RBM27: variants seen among roughly 807,000 people sequenced by gnomAD.
RBM27 encodes the protein RNA-binding protein 27.
A neutral mutation model predicts 135.3 loss-of-function variants in RBM27; 22 were observed. The ratio of observed to expected loss-of-function variants is 0.16; its 90% CI spans 0.12 to 0.23. RBM27 has a LOEUF of 0.23. RBM27 is among the 10% of genes least tolerant of loss of function. The probability of loss-of-function intolerance (pLI) is 1.00; values close to 1 mark genes in which losing one functional copy is unlikely to be tolerated. For missense variants in RBM27, 1,009 were observed against 1,281.0 expected, an observed-to-expected ratio of 0.79 and a Z score of 3.24; for synonymous variants, 481 against 442.4, an observed-to-expected ratio of 1.09 and a Z score of -1.10.
chr5:146,260,069 A>ACGGG (rs983224262), intron 11 of RBM27, among the ~76,000 whole-genome samples: 8 of 150,328 alleles, frequency 5.3e-5, no homozygotes, highest in African/African-American at 2.0e-4. Flanking sequence ...GGAGGCCGAG[A>ACGGG]CGGGTAGATC....
chr5:146,266,260 A>C (rs1315291979), intron 14 of RBM27, among the ~76,000 whole-genome samples: 2 of 152,214 alleles, frequency 1.3e-5, no homozygotes, highest in Non-Finnish European at 2.9e-5. Flanking sequence ...GTACCACAGA[A>C]TCCTATGGGG....
intron 19 of RBM27, among the ~76,000 whole-genome samples, chr5:146,277,187 A>G (rs1322633099): frequency 6.6e-6 from 1 of 152,228 alleles, no homozygotes; most frequent in Non-Finnish European, 1.5e-5. Context: ...TTCAAACAAT[A>G]CAAATTATAA....
At chr5:146,283,365 C>G (rs532001498) in intron 19 of RBM27, among the ~76,000 whole-genome samples, 1 of 151,948 alleles carries the variant, frequency 6.6e-6, no homozygotes, top group South Asian at 2.1e-4. Flanking sequence ...CATCGGGAGA[C>G]CCCGTCTATA....
intron 3 of RBM27, 112 bp from the exon 4 acceptor site, chr5:146,228,834 A>G (rs1756799420): frequency 1.4e-6 from 1 of 694,964 alleles, no homozygotes; most frequent in East Asian, 2.8e-5. Flanking sequence ...GCTGGTCTCA[A>G]TATCCTGGCC....
At chr5:146,248,706 T>C (rs771791258) in intron 8 of RBM27, among the ~76,000 whole-genome samples, 1 of 152,236 alleles carries the variant, frequency 6.6e-6, no homozygotes, top group Admixed American at 6.5e-5. Flanking sequence ...GCTCAAGGGA[T>C]CCACCCGCCT....
At chr5:146,221,791 A>G (rs944037431) in intron 2 of RBM27, among the ~76,000 whole-genome samples, 1 of 152,204 alleles carries the variant, frequency 6.6e-6, no homozygotes, top group African/African-American at 2.4e-5. Context: ...AGAGCTACAT[A>G]TGGCTAGTGG....
intron 19 of RBM27, among the ~76,000 whole-genome samples, chr5:146,273,541 A>C (rs4705179): frequency 0.22 from 32,727 of 152,002 alleles, 4,315 homozygotes; most frequent in Admixed American, 0.33. Context: ...CAGAAAGGGT[A>C]TTGAGTACTA....
chr5:146,237,251 A>G, intron 7 of RBM27, 47 bp from the exon 8 acceptor site: 1 of 1,608,774 alleles, frequency 6.2e-7, no homozygotes, highest in South Asian at 1.1e-5. Context: ...TACTTTTATT[A>G]GGAAATATTA....
chr5:146,273,929 A>G lies in RBM27; in HGVS notation c.2988+2255A>G, dbSNP rs578000588. Among the ~76,000 whole-genome samples the G allele has an allele frequency of 3.3e-5, 5 of 152,344 alleles. No homozygotes were observed. In the South Asian group the frequency reaches 1.0e-3, roughly 32 times the overall value. ...GCTATAAGTATGCTCATTATAGTGC[A>G]TGTAATAGTGAAAAATGATAACCAT... is the stretch of plus-strand genomic sequence containing the variant. On this transcript the variant is annotated intron_variant, in intron 19 of 20. Coordinates refer to ENST00000265271, the MANE Select transcript of RBM27 (RefSeq NM_018989.2).
chr5:146,250,757 T>G (rs60937428), intron 8 of RBM27, among the ~76,000 whole-genome samples: 1,899 of 144,852 alleles, frequency 0.013, 47 homozygotes, highest in African/African-American at 0.045. Flanking sequence ...TGTTTATCTG[T>G]TTTTTTTTTG....
intron 1 of RBM27, among the ~76,000 whole-genome samples, chr5:146,215,358 G>C (rs1424454111): frequency 6.6e-6 from 1 of 152,022 alleles, no homozygotes; most frequent in African/African-American, 2.4e-5. Flanking sequence ...CCGATATCTG[G>C]GTTTCTTAAA....
chr5:146,208,067 C>G (rs1221810967), intron 1 of RBM27, among the ~76,000 whole-genome samples: 1 of 150,580 alleles, frequency 6.6e-6, no homozygotes, highest in African/African-American at 2.4e-5. Flanking sequence ...AGCAATTCTC[C>G]TGCCTCAGCC....
intron 8 of RBM27, among the ~76,000 whole-genome samples, chr5:146,242,151 C>T (rs1757433595): frequency 6.6e-6 from 1 of 152,124 alleles, no homozygotes; most frequent in African/African-American, 2.4e-5. Context: ...GTCTTGCTGT[C>T]TTACCCAGGC....
At chr5:146,251,542 C>T (rs563451198) in intron 8 of RBM27, among the ~76,000 whole-genome samples, 169 bp from the exon 9 acceptor site, 2 of 152,136 alleles carry the variant, frequency 1.3e-5, no homozygotes, top group Non-Finnish European at 1.5e-5. Context: ...ACCAGTTGCA[C>T]GTCTGTTCTT....
intron 19 of RBM27, among the ~76,000 whole-genome samples, chr5:146,277,630 C>T (rs1031542265): frequency 2.7e-5 from 4 of 148,064 alleles, no homozygotes; most frequent in Non-Finnish European, 1.5e-5. Context: ...TCATGCCATT[C>T]TCCTGCCTCA....
chr5:146,232,342 C>A (rs1159711731), intron 6 of RBM27, among the ~76,000 whole-genome samples: 1 of 152,178 alleles, frequency 6.6e-6, no homozygotes, highest in Non-Finnish European at 1.5e-5. Context: ...TACTCCTTGC[C>A]AAGGCCAACG....
intron 11 of RBM27, among the ~76,000 whole-genome samples, chr5:146,259,419 G>T (rs955069158): frequency 1.4e-5 from 2 of 148,038 alleles, no homozygotes; most frequent in African/African-American, 5.0e-5. Context: ...CAGGAGAATC[G>T]CTGGAACCTG....
chr5:146,222,459 A>C (rs1030511530), intron 2 of RBM27, among the ~76,000 whole-genome samples: 21 of 151,980 alleles, frequency 1.4e-4, no homozygotes, highest in Admixed American at 8.5e-4. Context: ...CGAGGCAGGC[A>C]GATCACCTGA....
At chr5:146,211,878 T>A (rs911171607) in intron 1 of RBM27, among the ~76,000 whole-genome samples, 4 of 152,162 alleles carry the variant, frequency 2.6e-5, no homozygotes, top group African/African-American at 4.8e-5. Context: ...TATGACAGTA[T>A]AGAAAGTAGA....
Sources: allele counts gnomAD v4.1 joint callset (sites outside exome capture counted in the v4.1 genomes callset), GRCh38; gene constraint gnomAD v4.1.1; transcripts MANE v1.5; gene names NCBI Gene and HGNC (gene_info 2026-07-23, HGNC 2026-07-21).